VLDLR: variants seen among roughly 807,000 people sequenced by gnomAD.
VLDLR encodes the protein very low-density lipoprotein receptor.
In VLDLR, 81 loss-of-function variants were observed where a neutral mutation model predicts 112.7. That is an observed-to-expected ratio of 0.72 (90% confidence interval 0.60 to 0.86). VLDLR has a LOEUF of 0.86. Ranked by LOEUF, VLDLR falls within the 40% of genes least tolerant of loss-of-function variation. The pLI is 0.00. For synonymous variants in VLDLR, 436 were observed against 384.8 expected, an observed-to-expected ratio of 1.13 and a Z score of -1.56; for missense variants, 1,237 against 1,099.4, an observed-to-expected ratio of 1.13 and a Z score of -1.77.
Position 2,621,796 on chromosome 9 carries a change from T to C in VLDLR, c.-394T>C, listed in dbSNP as rs1164407377. 2.2e-6 allele frequency: 1 copy of C among 463,316 alleles called. No individual in the cohort carries two copies. The highest frequency in any genetic ancestry group is 4.2e-6 in the Non-Finnish European group (1 of 240,916). The allele number at this position is 463,316 out of a possible 1,614,324, so 28.7% of individuals were successfully genotyped here. ...CCCCTCCCCGCTGCTCACCCCGCTC[T>C]CCGGCCGCCGCCGGTGCGGGTGCTC... is the stretch of plus-strand genomic sequence containing the variant. On this transcript the variant is annotated 5_prime_UTR_variant, in exon 1 of 19. Transcript: ENST00000382100.
At chr9:2,622,389 T>A in intron 1 of VLDLR, 118 bp downstream of exon 1, 1 of 857,486 alleles carries the variant, frequency 1.2e-6, no homozygotes. Context: ...TCGGTTCTCC[T>A]CGCCTTCCCT....
chr9:2,627,181 A>C (rs1586633765), intron 1 of VLDLR, among the ~76,000 whole-genome samples: 1 of 152,244 alleles, frequency 6.6e-6, no homozygotes, highest in South Asian at 2.1e-4. Context: ...TTTAAGACTT[A>C]ATCATAAAAG....
chr9:2,651,831 G>T, intron 16 of VLDLR, 43 bp from the exon 17 acceptor site: 1 of 1,610,630 alleles, frequency 6.2e-7, no homozygotes, highest in South Asian at 1.1e-5. Flanking sequence ...TTCTAAGTCT[G>T]AATACAGATC....
chr9:2,648,867 G>T, intron 14 of VLDLR, 57 bp downstream of exon 14: 1 of 1,608,486 alleles, frequency 6.2e-7, no homozygotes, highest in South Asian at 1.1e-5. Flanking sequence ...GCATGACACA[G>T]AACCTGCTGG....
In VLDLR at chr9:2,648,773, A is replaced by G. The variant is rs6148; in HGVS notation, c.2067A>G (p.Gln689=). The stretch of plus-strand genomic sequence containing the variant: ...TAGTCAACAACCTGAATGATGCCCA[A>G]GACATCATTGTCTATCATGAACTTG... ...ATLVNNLNDA[Q]DIIVYHELVQ... is the part of the protein sequence containing the mutation. The change falls in exon 14 of 19, where the codon CAA becomes CAG. Residue 689 remains glutamine, a synonymous_variant. Transcript: ENST00000382100. 278,397 of 1,613,922 alleles carry G rather than the reference A, an allele frequency of 0.17. 26,687 individuals carry two copies. The highest frequency in any genetic ancestry group is 0.19 in the Non-Finnish European group (229,577 of 1,179,868).
In VLDLR at chr9:2,658,453, C is replaced by A. The variant is rs1156310265; in HGVS notation, c.*4585C>A. 2 of 152,206 alleles carry A rather than the reference C, an allele frequency of 1.3e-5. No homozygotes were observed. The highest frequency in any genetic ancestry group is 4.8e-5 in the African/African-American group (2 of 41,450). The allele number at this position is 152,206 out of a possible 1,614,324, so 9.4% of individuals were successfully genotyped here. A position where few individuals can be genotyped will look rare whatever the true frequency, so the allele number is the denominator to read the frequency against. On this transcript the variant is annotated 3_prime_UTR_variant, in exon 19 of 19. Transcript: ENST00000382100. ...CTGCGGGTGGGGAGTTTGTGCTCCGCAGGTTACCTCATGGCATATCAAAAA... is the reference window on the plus strand; with the variant it reads ...CTGCGGGTGGGGAGTTTGTGCTCCGAAGGTTACCTCATGGCATATCAAAAA...
intron 14 of VLDLR, among the ~76,000 whole-genome samples, chr9:2,649,606 G>T (rs1818229113): frequency 6.6e-6 from 1 of 152,132 alleles, no homozygotes; most frequent in Admixed American, 6.5e-5. Flanking sequence ...TGGCCAGACT[G>T]GTCTCGAACT....
chr9:2,625,251 TAAC>T (rs1817038539), intron 1 of VLDLR, among the ~76,000 whole-genome samples: 1 of 152,132 alleles, frequency 6.6e-6, no homozygotes, highest in African/African-American at 2.4e-5. Context: ...TGATAAGACT[TAAC>T]AAGAACTCCT....
chr9:2,628,088 C>G (rs1039034026), intron 1 of VLDLR, among the ~76,000 whole-genome samples: 1 of 152,022 alleles, frequency 6.6e-6, no homozygotes, highest in Non-Finnish European at 1.5e-5. Flanking sequence ...CTCATGCACC[C>G]AAGACTACCA....
intron 1 of VLDLR, among the ~76,000 whole-genome samples, chr9:2,632,209 A>G (rs187185726): frequency 1.2e-4 from 19 of 152,308 alleles, no homozygotes; most frequent in African/African-American, 4.3e-4. Context: ...CCAAAATCCA[A>G]TATTCAAAAG....
intron 4 of VLDLR, among the ~76,000 whole-genome samples, chr9:2,641,968 G>GA (rs57594382): frequency 0.056 from 5,988 of 106,412 alleles, 354 homozygotes; most frequent in African/African-American, 0.17. Flanking sequence ...AACTTTCCCA[G>GA]AAAAAAAAAA....
intron 1 of VLDLR, among the ~76,000 whole-genome samples, chr9:2,633,049 A>AGTGTGTGC (rs1258054088): frequency 9.3e-6 from 1 of 107,000 alleles, no homozygotes; most frequent in Middle Eastern, 4.3e-3. Flanking sequence ...AGAGAGAGAG[A>AGTGTGTGC]GAGTGTGTGT....
intron 1 of VLDLR, among the ~76,000 whole-genome samples, chr9:2,623,227 C>A (rs942873702): frequency 6.6e-6 from 1 of 152,086 alleles, no homozygotes; most frequent in Non-Finnish European, 1.5e-5. Flanking sequence ...GCCGCGGGGG[C>A]CTGGGGGCCC....
chr9:2,625,220 G>C (rs926212714), intron 1 of VLDLR, among the ~76,000 whole-genome samples: 10 of 152,178 alleles, frequency 6.6e-5, no homozygotes, highest in African/African-American at 9.7e-5. Context: ...AGCCCCTTCT[G>C]CTCCAGGAGA....
At chr9:2,632,717 G>C (rs1208404949) in intron 1 of VLDLR, among the ~76,000 whole-genome samples, 1 of 152,120 alleles carries the variant, frequency 6.6e-6, no homozygotes, top group Non-Finnish European at 1.5e-5. Flanking sequence ...AAACTTAACA[G>C]TGTTCCAGTC....
At chr9:2,647,148 GCCAA>G (rs1219001469) in intron 11 of VLDLR, among the ~76,000 whole-genome samples, 1 of 147,896 alleles carries the variant, frequency 6.8e-6, no homozygotes, top group Non-Finnish European at 1.5e-5. Context: ...CAGTCAGCCA[GCCAA>G]CCCCTGCTAT....
At chr9:2,642,346 G>A (rs1197914823) in intron 4 of VLDLR, among the ~76,000 whole-genome samples, 2 of 152,142 alleles carry the variant, frequency 1.3e-5, no homozygotes, top group African/African-American at 4.8e-5. Context: ...TGTAGAAGTC[G>A]CCTCCTGAGG....
At chr9:2,641,247 C>A in intron 3 of VLDLR, 130 bp from the exon 4 acceptor site, 2 of 1,452,966 alleles carry the variant, frequency 1.4e-6, no homozygotes, top group Non-Finnish European at 1.9e-6. Context: ...CGGGCTTCAG[C>A]CAGTTAGTAG....
rs780401350 is a variant in VLDLR, at chr9:2,635,559, TGAAAA to T, written c.193_197del (p.Lys65LeufsTer8). 6.2e-7 allele frequency: 1 copy of T among 1,614,128 alleles called. No homozygotes were observed. Reference sequence around the variant, plus strand: ...ATGAAGACTGTGTTGACGGCAGTGATGAAAAGAACTGTGGTAAGTAAAGAGTTTGA... The same window carrying T: ...ATGAAGACTGTGTTGACGGCAGTGATGAACTGTGGTAAGTAAAGAGTTTGA... On this transcript the variant is annotated frameshift_variant, in exon 2 of 19. Transcript: ENST00000382100. LOFTEE classifies it high-confidence loss of function.
Sources: gnomAD v4.1 joint callset for allele counts (sites outside exome capture counted in the v4.1 genomes callset) on GRCh38, gnomAD v4.1.1 for gene constraint, MANE v1.5 for transcripts, NCBI Gene and HGNC (gene_info 2026-07-23, HGNC 2026-07-21) for gene names.